CCDC18: variants seen among roughly 807,000 people sequenced by gnomAD.
CCDC18 encodes coiled-coil domain containing 18.
In CCDC18, 157 loss-of-function variants were observed where a neutral mutation model predicts 196.0. That is an observed-to-expected ratio of 0.80 (90% confidence interval 0.70 to 0.91). The LOEUF (loss-of-function observed/expected upper bound fraction) is 0.91. Ranked by LOEUF, CCDC18 falls within the 40% of genes least tolerant of loss-of-function variation. The pLI is 0.00. For missense variants in CCDC18, 1,465 were observed against 1,611.6 expected, an observed-to-expected ratio of 0.91 and a Z score of 1.56; for synonymous variants, 482 against 529.2, an observed-to-expected ratio of 0.91 and a Z score of 1.22.
chr1:93,248,302 C>T (rs1208486273), intron 23 of CCDC18, among the ~76,000 whole-genome samples: 1 of 152,188 alleles, frequency 6.6e-6, no homozygotes, highest in Non-Finnish European at 1.5e-5. Context: ...GCGTGAGCCA[C>T]TGCGCCCAGC....
At chr1:93,240,107 A>G (rs1660578629) in intron 21 of CCDC18, among the ~76,000 whole-genome samples, 1 of 152,196 alleles carries the variant, frequency 6.6e-6, no homozygotes, top group Non-Finnish European at 1.5e-5. Flanking sequence ...ACCATTTTAT[A>G]CTAGCCCTAG....
At chr1:93,186,273 A>C in intron 3 of CCDC18, 72 bp from the exon 4 acceptor site, 1 of 1,388,552 alleles carries the variant, frequency 7.2e-7, no homozygotes, top group Non-Finnish European at 9.9e-7. Flanking sequence ...ATTGCTCATA[A>C]TTTTCCATTA....
intron 25 of CCDC18, among the ~76,000 whole-genome samples, chr1:93,258,475 G>T (rs1204265044): frequency 1.3e-5 from 2 of 152,104 alleles, no homozygotes; most frequent in African/African-American, 4.8e-5. Context: ...AGAGTTCAGT[G>T]TCCTGAGGTT....
intron 9 of CCDC18, 107 bp from the exon 10 acceptor site, chr1:93,210,695 G>T: frequency 1.4e-6 from 1 of 719,592 alleles, no homozygotes; most frequent in Non-Finnish European, 2.3e-6. Context: ...TGGACATTAA[G>T]TTGTTTCCAT....
chr1:93,253,087 T>C (rs1405433167), intron 23 of CCDC18, among the ~76,000 whole-genome samples: 2 of 152,150 alleles, frequency 1.3e-5, no homozygotes, highest in Non-Finnish European at 2.9e-5. Context: ...AGACTGGCCC[T>C]CTTGGGATAT....
chr1:93,250,672 T>G (rs765535540), intron 23 of CCDC18, among the ~76,000 whole-genome samples: 16 of 152,230 alleles, frequency 1.1e-4, no homozygotes, highest in Admixed American at 2.0e-4. Flanking sequence ...TATTTATAAT[T>G]TTTATATCCT....
At chr1:93,257,612 A>G (rs1281927771) in intron 25 of CCDC18, among the ~76,000 whole-genome samples, 1 of 152,052 alleles carries the variant, frequency 6.6e-6, no homozygotes, top group Non-Finnish European at 1.5e-5. Flanking sequence ...CTATGTTGTT[A>G]TTCACATTTC....
At chr1:93,236,421 C>T in intron 19 of CCDC18, 31 bp downstream of exon 19, 1 of 1,570,698 alleles carries the variant, frequency 6.4e-7, no homozygotes, top group South Asian at 1.2e-5. Flanking sequence ...ATTTACCTTC[C>T]CACTTCAATA....
In CCDC18 at chr1:93,232,926, G is replaced by A. The variant is rs926628962; in HGVS notation, c.2460+333G>A. Among the ~76,000 whole-genome samples the A allele has an allele frequency of 4.6e-5, 7 of 151,980 alleles. No homozygotes were observed. The South Asian group carries it at 8.3e-4, about 18-fold the overall frequency. The stretch of plus-strand genomic sequence containing the variant: ...GTGGAGGTTGCAGTGAGCTGCAATC[G>A]TGCCCTTGCACTCCAGCCTGGGCGA... On this transcript the variant is annotated intron_variant, in intron 18 of 28. Transcript: ENST00000690025.
rs1335592651 is a variant in CCDC18, at chr1:93,256,444, T to C, written c.3452T>C (p.Leu1151Ser). 2 of 1,614,066 alleles carry C rather than the reference T, an allele frequency of 1.2e-6. No individual in the cohort carries two copies. Among genetic ancestry groups the C allele is most frequent in the South Asian group, 2.2e-5 (2 of 91,082 alleles). ...REQVQNSHTELAEARHQQVQA... is the reference protein window; with the variant it reads ...REQVQNSHTESAEARHQQVQA... ...CAGGTGCAGAACTCTCATACAGAAT[T>C]GGCAGAGGCTCGTCATCAGCAAGTC... The change falls in exon 25 of 29, where the codon TTG becomes TCG. Residue 1151 changes from leucine (L) to serine (S), a missense_variant. Physicochemically the swap from Leu to Ser is moderately radical, Grantham distance 145. Transcript: ENST00000690025.
intron 6 of CCDC18, among the ~76,000 whole-genome samples, chr1:93,197,019 C>T (rs1359008227): frequency 6.6e-6 from 1 of 151,950 alleles, no homozygotes; most frequent in African/African-American, 2.4e-5. Context: ...GTAGGCTGTA[C>T]CTAAAGACAC....
At chr1:93,208,077 A>T (rs1262362760) in intron 9 of CCDC18, among the ~76,000 whole-genome samples, 2 of 152,178 alleles carry the variant, frequency 1.3e-5, no homozygotes, top group Non-Finnish European at 2.9e-5. Flanking sequence ...TGCTGCTATG[A>T]ACGTTTGCAT....
rs756325661 is a variant in CCDC18 at position 93,254,456 on chromosome 1, C to G, written c.3199-15C>G. 13 of 1,534,928 alleles carry G rather than the reference C, an allele frequency of 8.5e-6. No homozygotes were observed. The highest frequency in any genetic ancestry group is 6.2e-6 in the Non-Finnish European group (7 of 1,124,790). On this transcript the variant is annotated splice_polypyrimidine_tract_variant and intron_variant, in intron 23 of 28. Transcript: ENST00000690025. Reference sequence around the variant, plus strand: ...CATTAATTTTACTGATACTGCTTATCTGTTTAAAATTCAGATAGAAAGTCT... The same window carrying G: ...CATTAATTTTACTGATACTGCTTATGTGTTTAAAATTCAGATAGAAAGTCT...
At chr1:93,189,455 A>G (rs1214043014) in intron 4 of CCDC18, among the ~76,000 whole-genome samples, 1 of 152,146 alleles carries the variant, frequency 6.6e-6, no homozygotes, top group East Asian at 1.9e-4. Flanking sequence ...CCTTTTCAAT[A>G]TACTGATTTC....
chr1:93,254,528 T>C lies in CCDC18; in HGVS notation c.3256T>C (p.Phe1086Leu). Residue 1086 changes from phenylalanine (F) to leucine (L), a missense_variant, in exon 24 of 29, where the codon TTT (phenylalanine) becomes CTT (leucine). Phe to Leu is a conservative substitution (Grantham distance 22). Transcript: ENST00000690025. ...NAKEQLREKE[F>L]IMLQNEQEIS... is the part of the protein sequence containing the mutation. ...TAAAGAACAGCTTCGAGAAAAAGAG[T>C]TTATAATGCTACAAAATGAACAGGA... 6.2e-7 allele frequency: 1 copy of C among 1,602,244 alleles called. No homozygotes were observed. Among genetic ancestry groups the C allele is most frequent in the Non-Finnish European group, 8.5e-7 (1 of 1,172,748 alleles).
At chr1:93,240,353 G>T (rs887533298) in intron 21 of CCDC18, among the ~76,000 whole-genome samples, 1 of 152,156 alleles carries the variant, frequency 6.6e-6, no homozygotes, top group African/African-American at 2.4e-5. Context: ...CATACAGGTA[G>T]TAGAGTCTAG....
At chr1:93,240,079 T>G (rs193008517) in intron 21 of CCDC18, among the ~76,000 whole-genome samples, 183 bp downstream of exon 21, 50 of 152,326 alleles carry the variant, frequency 3.3e-4, no homozygotes, top group African/African-American at 1.2e-3. Context: ...CGCCAAAACT[T>G]TCATCCTCAG....
chr1:93,222,952 C>G (rs1267994607), intron 16 of CCDC18, among the ~76,000 whole-genome samples: 1 of 152,116 alleles, frequency 6.6e-6, no homozygotes, highest in Non-Finnish European at 1.5e-5. Context: ...CATTTTGTGA[C>G]TGTGTATGCC....
At chr1:93,200,825 G>A (rs1476607551) in intron 6 of CCDC18, among the ~76,000 whole-genome samples, 11 of 152,164 alleles carry the variant, frequency 7.2e-5, no homozygotes, top group East Asian at 5.8e-4. Flanking sequence ...AGTGTAAAGC[G>A]GATAAGTCTG....
Sources: allele counts gnomAD v4.1 joint callset (sites outside exome capture counted in the v4.1 genomes callset), GRCh38; gene constraint gnomAD v4.1.1; transcripts MANE v1.5; gene names NCBI Gene and HGNC (gene_info 2026-07-23, HGNC 2026-07-21).